The following PLEKHA6 variants were observed in gnomAD, a reference collection of about 807,000 sequenced individuals.
PLEKHA6 encodes the protein pleckstrin homology domain containing A6.
A neutral mutation model predicts 116.7 loss-of-function variants in PLEKHA6; 60 were observed. The observed-to-expected ratio is 0.51, with a 90% CI of 0.42 to 0.64. The LOEUF is 0.64. Ranked by LOEUF, PLEKHA6 falls within the 30% of genes least tolerant of loss-of-function variation. The pLI is 0.00. For synonymous variants in PLEKHA6, 489 were observed against 556.1 expected (o/e 0.88, Z 1.70); for missense variants, 1,338 against 1,422.7 (o/e 0.94, Z 0.96).
At chr1:204,263,516 C>T (rs556148655) in intron 6 of PLEKHA6, among the ~76,000 whole-genome samples, 2 of 152,180 alleles carry the variant, frequency 1.3e-5, no homozygotes, top group East Asian at 3.9e-4. Flanking sequence ...GGCCACCGAG[C>T]ACAGCCCTCA....
chr1:204,280,512 A>G, intron 1 of PLEKHA6: 1 of 961,668 alleles, frequency 1.0e-6, no homozygotes, highest in Non-Finnish European at 1.2e-6. Context: ...TCTGCTGACA[A>G]AGAATTAGCC....
At chr1:204,318,268 C>T (rs1370970058) in intron 1 of PLEKHA6, among the ~76,000 whole-genome samples, 1 of 152,058 alleles carries the variant, frequency 6.6e-6, no homozygotes, top group Admixed American at 6.6e-5. Flanking sequence ...GTAGAGGATC[C>T]GAGAGCACAG....
At chr1:204,274,986 CGGGGTGGGGGA>C in intron 1 of PLEKHA6, 177 bp from the exon 2 acceptor site, 14 of 167,742 alleles carry the variant, frequency 8.3e-5, no homozygotes, top group Non-Finnish European at 9.6e-5. Flanking sequence ...AGGGTGGGGG[CGGGGTGGGGGA>C]AGGAAGAGAT....
intron 2 of PLEKHA6, chr1:204,369,190 T>C (rs1475779482): frequency 6.6e-6 from 1 of 152,206 alleles, no homozygotes; most frequent in Non-Finnish European, 1.5e-5. Flanking sequence ...GCTATGCACT[T>C]TGCCTCTGCT....
At chr1:204,273,178 C>G (rs1233244607) in intron 3 of PLEKHA6, among the ~76,000 whole-genome samples, 1 of 152,184 alleles carries the variant, frequency 6.6e-6, no homozygotes, top group Non-Finnish European at 1.5e-5. Flanking sequence ...ATCACCATGA[C>G]CTTCGTGACT....
rs565569823 is a variant in PLEKHA6 at position 204,238,088 on chromosome 1, G to C, written c.2409+3287C>G. Reference sequence around the variant, plus strand: ...AGGCACAGTCTAGTAGGCCTATTTGGAATTTGGAAGCAACATATTCCTCAT... The same window carrying C: ...AGGCACAGTCTAGTAGGCCTATTTGCAATTTGGAAGCAACATATTCCTCAT... On this transcript the variant is annotated intron_variant, in intron 17 of 22. Coordinates refer to ENST00000272203, the MANE Select transcript of PLEKHA6 (RefSeq NM_014935.5). The surrounding 1 kb of genome is among the most constrained non-coding windows in gnomAD (Gnocchi z 4.2). Among the ~76,000 whole-genome samples, 1 of 152,310 alleles carries C rather than the reference G, an allele frequency of 6.6e-6. No individual in the cohort carries two copies. The highest frequency in any genetic ancestry group is 2.1e-4 in the South Asian group (1 of 4,814).
Position 204,248,277 on chromosome 1 carries a change from G to T in PLEKHA6, c.1824+544C>A, listed in dbSNP as rs1016259167. Among the ~76,000 whole-genome samples the T allele has an allele frequency of 2.7e-5, 4 of 149,502 alleles. No homozygotes were observed. The Admixed American group carries it at 2.7e-4, about 10-fold the overall frequency. The stretch of plus-strand genomic sequence containing the variant: ...GGGTTCAAGCAATTCTCCTGCCTCA[G>T]CCTCCTATCTGGGACTACAGGTGTG... On this transcript the variant is annotated intron_variant, in intron 12 of 22. Transcript: ENST00000272203.
chr1:204,264,537 G>T (rs1337143281), intron 6 of PLEKHA6, among the ~76,000 whole-genome samples: 1 of 152,046 alleles, frequency 6.6e-6, no homozygotes. Flanking sequence ...TCCAGAAAAG[G>T]TCTCAGAACC....
chr1:204,223,552 G>C lies in PLEKHA6; in HGVS notation c.3065C>G (p.Pro1022Arg). Residue 1022 changes from proline (P) to arginine (R), a missense_variant, in exon 22 of 23, where the codon CCT becomes CGT. By Grantham distance (103) the Pro-to-Arg change is moderately radical (BLOSUM62 -2). Transcript: ENST00000272203. The surrounding 1 kb of genome is among the most constrained non-coding windows in gnomAD (Gnocchi z 4.8). ...GTTTGCTGGAGGAGCCGGGGAAGCA[G>C]GGGAGGTGGGAGGGCTTGGGGTGGC... ...QCATPSPPTS[P>R]ASPAPPANPL... The C allele has an allele frequency of 6.5e-7, 1 of 1,548,248 alleles. No homozygotes were observed. Among genetic ancestry groups the C allele is most frequent in the Non-Finnish European group, 8.7e-7 (1 of 1,144,364 alleles).
intron 1 of PLEKHA6, among the ~76,000 whole-genome samples, chr1:204,340,427 T>C (rs1672804788): frequency 1.3e-5 from 2 of 152,026 alleles, no homozygotes; most frequent in South Asian, 4.2e-4. Context: ...AAGCACCAAT[T>C]AACAGGCCCA....
At position 204,264,388 on chromosome 1, in the gene PLEKHA6, C is replaced by T. The variant is rs374128910; in HGVS notation, c.381+554G>A. 2.9e-4 allele frequency among the ~76,000 whole-genome samples: 44 copies of T among 152,288 alleles called. No individual in the cohort carries two copies. The East Asian group carries it at 7.7e-3, about 27-fold the overall frequency. On this transcript the variant is annotated intron_variant, in intron 6 of 22. Coordinates refer to ENST00000272203, the MANE Select transcript of PLEKHA6 (RefSeq NM_014935.5). The stretch of plus-strand genomic sequence containing the variant: ...GCCCATGTTCCTGTGCACTTGTTCT[C>T]TCAAATGGTTTCTTCGTAAGATTTG...
At chr1:204,359,492 G>A in intron 1 of PLEKHA6, 1 of 408,604 alleles carries the variant, frequency 2.4e-6, no homozygotes, top group Non-Finnish European at 3.3e-6. Flanking sequence ...AGGTGGGGGT[G>A]GGGGCACAGG....
intron 17 of PLEKHA6, among the ~76,000 whole-genome samples, chr1:204,230,934 G>T (rs994113323): frequency 6.6e-6 from 1 of 152,180 alleles, no homozygotes; most frequent in Non-Finnish European, 1.5e-5. Context: ...GCAATAACCA[G>T]AAGTTTGGAG....
intron 1 of PLEKHA6, among the ~76,000 whole-genome samples, chr1:204,300,770 T>C (rs1327015878): frequency 2.0e-5 from 3 of 152,244 alleles, no homozygotes; most frequent in Non-Finnish European, 4.4e-5. Flanking sequence ...ATCAGCTGAA[T>C]GTCAATGGAC....
intron 1 of PLEKHA6, among the ~76,000 whole-genome samples, chr1:204,313,089 C>CCCTCCTCCCTTCCCTCCT (rs1558174742): frequency 3.6e-5 from 4 of 111,006 alleles, no homozygotes; most frequent in Admixed American, 9.8e-5. Context: ...CCTTCCCTCC[C>CCCTCCTCCCTTCCCTCCT]TCCCTCCTTC....
intron 7 of PLEKHA6, among the ~76,000 whole-genome samples, chr1:204,260,802 T>TG (rs1361982383): frequency 4.6e-5 from 7 of 152,184 alleles, no homozygotes; most frequent in Non-Finnish European, 1.0e-4. Context: ...GTTTACTGCA[T>TG]GTTGAGTGTT....
In PLEKHA6 at chr1:204,298,586, A is replaced by G. The variant is rs1670516387; in HGVS notation, c.-94-23777T>C. On this transcript the variant is annotated intron_variant, in intron 1 of 22. Coordinates refer to ENST00000272203, the MANE Select transcript of PLEKHA6 (RefSeq NM_014935.5). The stretch of plus-strand genomic sequence containing the variant: ...CCGTCCTCATGCCAGGCAGGAGAAG[A>G]GCCAAGCGAGAGGAGTTGGGGTGTG... Among the ~76,000 whole-genome samples the G allele has an allele frequency of 2.6e-5, 4 of 152,138 alleles. No homozygotes were observed. The South Asian group carries it at 8.3e-4, about 32-fold the overall frequency.
intron 17 of PLEKHA6, among the ~76,000 whole-genome samples, chr1:204,232,218 T>G (rs944249199): frequency 6.6e-6 from 1 of 152,198 alleles, no homozygotes. Context: ...AGCAAAGTGT[T>G]GAAGGTGTGG....
At chr1:204,286,493 T>C (rs187048243) in intron 1 of PLEKHA6, among the ~76,000 whole-genome samples, 109 of 152,212 alleles carry the variant, frequency 7.2e-4, no homozygotes, top group African/African-American at 2.4e-3. Flanking sequence ...CCTCCATAAG[T>C]GACACCTGAG....
Sources: allele counts gnomAD v4.1 joint callset (sites outside exome capture counted in the v4.1 genomes callset), GRCh38; gene constraint gnomAD v4.1.1; non-coding constraint Gnocchi (gnomAD v3.1); transcripts MANE v1.5; gene names NCBI Gene and HGNC (gene_info 2026-07-23, HGNC 2026-07-21).